Variants in HIPK1 observed in about 807,000 individuals in gnomAD.
The protein encoded by HIPK1 is homeodomain-interacting protein kinase 1.
HIPK1 carries 28 observed loss-of-function variants against 117.1 expected under a neutral mutation model. The ratio of observed to expected loss-of-function variants is 0.24; its 90% CI spans 0.18 to 0.33. HIPK1 has a LOEUF of 0.33. Among genes scored for constraint, HIPK1 ranks in the 10% least tolerant of loss-of-function variants. The probability of loss-of-function intolerance (pLI) is 1.00; values close to 1 mark genes in which losing one functional copy is unlikely to be tolerated. For missense variants in HIPK1, 1,122 were observed against 1,475.1 expected, an observed-to-expected ratio of 0.76 and a Z score of 3.92; for synonymous variants, 605 against 562.5, an observed-to-expected ratio of 1.08 and a Z score of -1.07.
intron 1 of HIPK1, among the ~76,000 whole-genome samples, chr1:113,932,493 C>A (rs1669965514): frequency 7.1e-6 from 1 of 141,814 alleles, no homozygotes; most frequent in African/African-American, 2.6e-5. Flanking sequence ...CCTCTGCCTC[C>A]TAAGTAGCTA....
chr1:113,948,629 G>A (rs906723696), intron 2 of HIPK1, among the ~76,000 whole-genome samples: 6 of 151,118 alleles, frequency 4.0e-5, no homozygotes, highest in African/African-American at 1.2e-4. Context: ...AGGTAGATAC[G>A]GTAGAGTTGC....
chr1:113,964,348 C>T (rs1672318339), intron 10 of HIPK1, among the ~76,000 whole-genome samples: 1 of 152,150 alleles, frequency 6.6e-6, no homozygotes, highest in Admixed American at 6.5e-5. Flanking sequence ...AATGTAGCTG[C>T]AATTGTAGTA....
intron 1 of HIPK1, among the ~76,000 whole-genome samples, chr1:113,934,784 GAAAAAAAAAAAA>G (rs564619583): frequency 7.8e-5 from 4 of 51,552 alleles, no homozygotes; most frequent in South Asian, 6.2e-4. Flanking sequence ...CCTCATCTCT[GAAAAAAAAAAAA>G]AAAAAAAAAA....
intron 1 of HIPK1, chr1:113,929,839 CG>C (rs1033742543): frequency 6.4e-5 from 63 of 987,256 alleles, no homozygotes; most frequent in African/African-American, 7.0e-5. Context: ...CCGGCTCGCG[CG>C]GGGGGTATGA....
chr1:113,931,263 T>C (rs1444050170), intron 1 of HIPK1, among the ~76,000 whole-genome samples: 1 of 151,614 alleles, frequency 6.6e-6, no homozygotes, highest in East Asian at 1.9e-4. Flanking sequence ...CATTTTAAAA[T>C]CTAACAAATC....
chr1:113,948,049 C>G (rs1037593280), intron 2 of HIPK1, among the ~76,000 whole-genome samples: 6 of 152,074 alleles, frequency 3.9e-5, no homozygotes, highest in African/African-American at 1.4e-4. Context: ...AATAAGGAGG[C>G]CAAGAGGAAA....
intron 11 of HIPK1, among the ~76,000 whole-genome samples, chr1:113,967,152 CT>C: frequency 6.6e-6 from 1 of 152,312 alleles, no homozygotes; most frequent in Middle Eastern, 3.4e-3. Flanking sequence ...ACTTAGGCTG[CT>C]TCCAAATCTT....
intron 8 of HIPK1, among the ~76,000 whole-genome samples, chr1:113,959,726 T>C (rs1671972061): frequency 6.6e-6 from 1 of 152,186 alleles, no homozygotes; most frequent in Non-Finnish European, 1.5e-5. Context: ...TTTTCCTATC[T>C]AGGAAGTATA....
At chr1:113,935,964 C>T (rs368178348) in intron 1 of HIPK1, among the ~76,000 whole-genome samples, 1 of 152,166 alleles carries the variant, frequency 6.6e-6, no homozygotes, top group South Asian at 2.1e-4. Flanking sequence ...AGCTCTCCAC[C>T]TAGGAAGAGA....
intron 2 of HIPK1, among the ~76,000 whole-genome samples, chr1:113,950,226 C>T (rs1671256706): frequency 1.3e-5 from 2 of 152,170 alleles, no homozygotes; most frequent in Non-Finnish European, 2.9e-5. Context: ...ACCCCCTGCA[C>T]ATATACACAA....
chr1:113,968,350 CAA>C (rs1320527194), intron 12 of HIPK1, 90 bp from the exon 13 acceptor site: 1 of 882,366 alleles, frequency 1.1e-6, no homozygotes, highest in Non-Finnish European at 1.9e-6. Context: ...AAAAAGGAAT[CAA>C]TGAGTAAATT....
chr1:113,976,199 T>A lies in HIPK1; in HGVS notation c.*2687T>A, dbSNP rs1481791278. 3 of 152,752 alleles carry A rather than the reference T, an allele frequency of 2.0e-5. No homozygotes were observed. The highest frequency in any genetic ancestry group is 2.9e-5 in the Non-Finnish European group (2 of 68,040). The allele number at this position is 152,752 out of a possible 1,614,324, so 9.5% of individuals were successfully genotyped here. ...AACATGTTGTGTTTTCTTTATTTTTTAAAATCATTATATTGAGTTGTGTTT... is the reference window on the plus strand; with the variant it reads ...AACATGTTGTGTTTTCTTTATTTTTAAAAATCATTATATTGAGTTGTGTTT... On this transcript the variant is annotated 3_prime_UTR_variant, in exon 16 of 16. Transcript: ENST00000426820.
chr1:113,953,691 T>C (rs963804097), intron 3 of HIPK1, among the ~76,000 whole-genome samples: 4 of 152,096 alleles, frequency 2.6e-5, no homozygotes, highest in African/African-American at 4.8e-5. Flanking sequence ...CTAATTTTTG[T>C]ATTTTTTAGT....
chr1:113,940,948 A>G lies in HIPK1; in HGVS notation c.565A>G (p.Ser189Gly). The G allele has an allele frequency of 1.2e-6, 2 of 1,614,178 alleles. No homozygotes were observed. Among genetic ancestry groups the G allele is most frequent in the Non-Finnish European group, 1.7e-6 (2 of 1,180,032 alleles). Residue 189 changes from serine (S) to glycine (G), a missense_variant, in exon 2 of 16, where the codon AGC (serine) becomes GGC (glycine). This residue lies in a region of HIPK1 where 192 missense variants were observed against 234.0 expected (regional missense o/e 0.82). Coordinates refer to ENST00000426820, the MANE Select transcript of HIPK1 (RefSeq NM_198268.3). ...QHEILCSMTNSYEVLEFLGRG... is the reference protein window; with the variant it reads ...QHEILCSMTNGYEVLEFLGRG... ...TGAGATCCTTTGCTCTATGACCAATAGCTATGAAGTCTTGGAGTTCCTAGG... is the reference window on the plus strand; with the variant it reads ...TGAGATCCTTTGCTCTATGACCAATGGCTATGAAGTCTTGGAGTTCCTAGG...
chr1:113,940,671 T>G lies in HIPK1; in HGVS notation c.288T>G (p.Ala96=), dbSNP rs770547950. The G allele has an allele frequency of 1.2e-6, 2 of 1,614,096 alleles. No homozygotes were observed. The highest frequency in any genetic ancestry group is 2.7e-5 in the African/African-American group (2 of 74,930). The change falls in exon 2 of 16, where the codon GCT becomes GCG. Residue 96 remains alanine (A), a synonymous_variant. Coordinates refer to ENST00000426820, the MANE Select transcript of HIPK1 (RefSeq NM_198268.3). ...CCGCTGATAGCTCGGGCAGTGCTGCTACATCAACCTTCCAAAGCAGCCAGA... is the reference window on the plus strand; with the variant it reads ...CCGCTGATAGCTCGGGCAGTGCTGCGACATCAACCTTCCAAAGCAGCCAGA... ...VTAADSSGSA[A]TSTFQSSQTL... is the part of the protein sequence containing the mutation.
chr1:113,964,419 T>G (rs1672322188), intron 10 of HIPK1, among the ~76,000 whole-genome samples: 1 of 152,244 alleles, frequency 6.6e-6, no homozygotes, highest in Non-Finnish European at 1.5e-5. Flanking sequence ...ATTTGTAACC[T>G]TAAGAGTGAT....
Position 113,976,004 on chromosome 1 carries a change from A to G in HIPK1, c.*2492A>G, listed in dbSNP as rs1475476321. 1 of 144,300 alleles carries G rather than the reference A, an allele frequency of 6.9e-6. No homozygotes were observed. The highest frequency in any genetic ancestry group is 1.5e-5 in the Non-Finnish European group (1 of 64,596). The allele number at this position is 144,300 out of a possible 1,614,324, so 8.9% of individuals were successfully genotyped here. On this transcript the variant is annotated 3_prime_UTR_variant, in exon 16 of 16. Coordinates refer to ENST00000426820, the MANE Select transcript of HIPK1 (RefSeq NM_198268.3). ...ATTTTAGGACTGGTTCTGTGTAGAT[A>G]GAGATGGTGTCAAGGAGGTGCAGGA...
chr1:113,941,022 G>C lies in HIPK1; in HGVS notation c.639G>C (p.Lys213Asn), dbSNP rs1670609653. The change falls in exon 2 of 16, where the codon AAG becomes AAC. Residue 213 changes from lysine (K) to asparagine (N), a missense_variant. By Grantham distance (94) the Lys-to-Asn change is moderately conservative. Transcript: ENST00000426820. This position sits in a 1 kb window ranked among gnomAD's most constrained non-coding sequence, Gnocchi z 4.9. ...CTAAGTGCTGGAAGAGGAGCACCAA[G>C]GAAATTGTGGCTATTAAAATCTTGA... ...QVAKCWKRSTKEIVAIKILKN... is the reference protein window; with the variant it reads ...QVAKCWKRSTNEIVAIKILKN... The C allele has an allele frequency of 6.2e-7, 1 of 1,614,190 alleles. No homozygotes were observed. Among genetic ancestry groups the C allele is most frequent in the Non-Finnish European group, 8.5e-7 (1 of 1,180,040 alleles).
intron 4 of HIPK1, 77 bp downstream of exon 4, chr1:113,954,847 T>C (rs554988746): frequency 2.9e-5 from 39 of 1,322,394 alleles, no homozygotes; most frequent in Non-Finnish European, 3.7e-5. Flanking sequence ...AGTTTAGTTA[T>C]TAAATTCTTC....
Sources: allele counts gnomAD v4.1 joint callset (sites outside exome capture counted in the v4.1 genomes callset), GRCh38; gene constraint gnomAD v4.1.1; regional missense constraint gnomAD v4.1.1; non-coding constraint Gnocchi (gnomAD v3.1); transcripts MANE v1.5; gene names NCBI Gene and HGNC (gene_info 2026-07-23, HGNC 2026-07-21).